The following ASB18 variants were observed in gnomAD, a reference collection of about 807,000 sequenced individuals.
The protein encoded by ASB18 is ankyrin repeat and SOCS box protein 18.
A neutral mutation model predicts 33.4 loss-of-function variants in ASB18; 33 were observed. The observed-to-expected ratio is 0.99, with a 90% CI of 0.75 to 1.32. The LOEUF is 1.32. ASB18 is among the 40% of genes most tolerant of loss of function. ASB18 has a pLI of 0.00. For synonymous variants in ASB18, 295 were observed against 307.6 expected, an observed-to-expected ratio of 0.96 and a Z score of 0.43; for missense variants, 694 against 655.5, an observed-to-expected ratio of 1.06 and a Z score of -0.64.
At position 236,203,235 on chromosome 2, in the gene ASB18, T is replaced by C. The variant is rs968711941; in HGVS notation, c.1102-6850A>G. Among the ~76,000 whole-genome samples, 3 of 152,032 alleles carry C rather than the reference T, an allele frequency of 2.0e-5. No individual in the cohort carries two copies. Among genetic ancestry groups the C allele is most frequent in the African/African-American group, 7.3e-5 (3 of 41,378 alleles). On this transcript the variant is annotated intron_variant, in intron 4 of 5. Transcript: ENST00000409749. This position sits in a 1 kb window ranked among gnomAD's most constrained non-coding sequence, Gnocchi z 6.0. The stretch of plus-strand genomic sequence containing the variant: ...ACAACAATACAGTGCTGTGGTCATA[T>C]GAGGGGGAGTTCAGGGGAAGATTTC...
At chr2:236,212,888 C>A (rs1465872168) in intron 4 of ASB18, among the ~76,000 whole-genome samples, 1 of 152,170 alleles carries the variant, frequency 6.6e-6, no homozygotes, top group Non-Finnish European at 1.5e-5. Context: ...CCTCAGCCTC[C>A]CAAAGTGCTG....
At chr2:236,210,061 C>T (rs1350116907) in intron 4 of ASB18, among the ~76,000 whole-genome samples, 4 of 152,184 alleles carry the variant, frequency 2.6e-5, no homozygotes, top group Non-Finnish European at 5.9e-5. Flanking sequence ...AAGTGAGCCT[C>T]GGCTTTGCAG....
rs1280628708 is a variant in ASB18, at chr2:236,244,962, G to A, written c.206-3560C>T. ...AAACCCACCTCTCTTCTACAGAGGA[G>A]GGCTGCAGTGGTGCTGGGTGGGGAG... is the stretch of plus-strand genomic sequence containing the variant. On this transcript the variant is annotated intron_variant, in intron 1 of 5. Coordinates refer to ENST00000409749, the MANE Select transcript of ASB18 (RefSeq NM_212556.4). The surrounding 1 kb of genome is among the most constrained non-coding windows in gnomAD (Gnocchi z 6.1). Among the ~76,000 whole-genome samples, 1 of 152,188 alleles carries A rather than the reference G, an allele frequency of 6.6e-6. No individual in the cohort carries two copies. The highest frequency in any genetic ancestry group is 1.5e-5 in the Non-Finnish European group (1 of 68,032).
At chr2:236,230,627 C>G (rs2060559782) in intron 3 of ASB18, among the ~76,000 whole-genome samples, 2 of 151,248 alleles carry the variant, frequency 1.3e-5, no homozygotes, top group South Asian at 4.2e-4. Flanking sequence ...AGTTTTTATA[C>G]TACACATGAA....
Position 236,209,536 on chromosome 2 carries a change from T to C in ASB18, c.1101+4826A>G, listed in dbSNP as rs1010597224. On this transcript the variant is annotated intron_variant, in intron 4 of 5. Coordinates refer to ENST00000409749, the MANE Select transcript of ASB18 (RefSeq NM_212556.4). This position sits in a 1 kb window ranked among gnomAD's most constrained non-coding sequence, Gnocchi z 4.4. Reference sequence around the variant, plus strand: ...CCTTGTGCCTCCCAGAGTGCTAGGATTATAGGCGTGAGCTATTGCCTCTGG... The same window carrying C: ...CCTTGTGCCTCCCAGAGTGCTAGGACTATAGGCGTGAGCTATTGCCTCTGG... Among the ~76,000 whole-genome samples, 5 of 152,164 alleles carry C rather than the reference T, an allele frequency of 3.3e-5. No individual in the cohort carries two copies. Among genetic ancestry groups the C allele is most frequent in the Non-Finnish European group, 5.9e-5 (4 of 68,022 alleles).
chr2:236,202,577 T>C (rs1321187245), intron 4 of ASB18, among the ~76,000 whole-genome samples: 2 of 151,626 alleles, frequency 1.3e-5, no homozygotes, highest in East Asian at 3.9e-4. Flanking sequence ...TCCCAACACT[T>C]TGGGAGGCTG....
chr2:236,246,032 C>A (rs190019265), intron 1 of ASB18, among the ~76,000 whole-genome samples: 4 of 152,156 alleles, frequency 2.6e-5, no homozygotes, highest in Non-Finnish European at 4.4e-5. Flanking sequence ...CACCTTCCCC[C>A]ACATGTAGAG....
At position 236,217,134 on chromosome 2, in the gene ASB18, G is replaced by A. The variant is rs914157587; in HGVS notation, c.597-2268C>T. On this transcript the variant is annotated intron_variant, in intron 3 of 5. Transcript: ENST00000409749. This position sits in a 1 kb window ranked among gnomAD's most constrained non-coding sequence, Gnocchi z 5.2. ...ATTTCAAATATTTGTTGGGCCAGGCGCGGTGGCTCATGCCGGTAATCCCAG... is the reference window on the plus strand; with the variant it reads ...ATTTCAAATATTTGTTGGGCCAGGCACGGTGGCTCATGCCGGTAATCCCAG... Among the ~76,000 whole-genome samples the A allele has an allele frequency of 2.0e-4, 30 of 152,240 alleles. No homozygotes were observed. The highest frequency in any genetic ancestry group is 4.1e-4 in the African/African-American group (17 of 41,562).
At position 236,257,102 on chromosome 2, in the gene ASB18, G is replaced by A. The variant is rs556438441; in HGVS notation, c.205+7039C>T. Among the ~76,000 whole-genome samples the A allele has an allele frequency of 6.6e-6, 1 of 152,306 alleles. No individual in the cohort carries two copies. Among genetic ancestry groups the A allele is most frequent in the East Asian group, 1.9e-4 (1 of 5,188 alleles). On this transcript the variant is annotated intron_variant, in intron 1 of 5. Transcript: ENST00000409749. This position sits in a 1 kb window ranked among gnomAD's most constrained non-coding sequence, Gnocchi z 5.5. ...ATCTGGGTGAATCAATTCAGGCAGC[G>A]CATAATTGAGTCTGTTAGCAAGGAC...
chr2:236,203,888 C>CA lies in ASB18; in HGVS notation c.1102-7504dup, dbSNP rs1274068215. 1.9e-5 allele frequency among the ~76,000 whole-genome samples: 2 copies of CA among 104,314 alleles called. No individual in the cohort carries two copies. The highest frequency in any genetic ancestry group is 8.8e-5 in the Admixed American group (1 of 11,404). 68.4% of individuals were successfully genotyped at this position (104,314 alleles called of 152,430 possible). On this transcript the variant is annotated intron_variant, in intron 4 of 5. Transcript: ENST00000409749. The surrounding 1 kb of genome is among the most constrained non-coding windows in gnomAD (Gnocchi z 6.0). Reference sequence around the variant, plus strand: ...TCTCAAAAACCAAACCAAACCAAACCAACCAACCAACCAACCAACCAACCA... The same window carrying CA: ...TCTCAAAAACCAAACCAAACCAAACCAAACCAACCAACCAACCAACCAACCA...
Position 236,216,114 on chromosome 2 carries a change from C to T in ASB18, c.597-1248G>A, listed in dbSNP as rs1022262286. On this transcript the variant is annotated intron_variant, in intron 3 of 5. Coordinates refer to ENST00000409749, the MANE Select transcript of ASB18 (RefSeq NM_212556.4). The surrounding 1 kb of genome is among the most constrained non-coding windows in gnomAD (Gnocchi z 6.1). The stretch of plus-strand genomic sequence containing the variant: ...AATCTTCAAGCCGGAGTCCATTCTT[C>T]ACCCCCCTCCTTTTCTCTGCGGGTC... Among the ~76,000 whole-genome samples the T allele has an allele frequency of 1.3e-5, 2 of 152,328 alleles. No homozygotes were observed. Among genetic ancestry groups the T allele is most frequent in the South Asian group, 2.1e-4 (1 of 4,818 alleles).
rs1286392505 is a variant in ASB18, at chr2:236,237,099, C to CA, written c.596+589dup. 1.3e-5 allele frequency among the ~76,000 whole-genome samples: 2 copies of CA among 152,088 alleles called. No individual in the cohort carries two copies. Among genetic ancestry groups the CA allele is most frequent in the African/African-American group, 4.8e-5 (2 of 41,446 alleles). ...GCCGCTGGGCCTCCCTAGAGGCCGG[C>CA]ACAGCTCCGCTTCCGAGCGGGCCTG... On this transcript the variant is annotated intron_variant, in intron 3 of 5. Transcript: ENST00000409749. This position sits in a 1 kb window ranked among gnomAD's most constrained non-coding sequence, Gnocchi z 6.2.
rs1344548283 is a variant in ASB18, at chr2:236,222,154, C to T, written c.597-7288G>A. Among the ~76,000 whole-genome samples, 3 of 152,202 alleles carry T rather than the reference C, an allele frequency of 2.0e-5. No individual in the cohort carries two copies. Among genetic ancestry groups the T allele is most frequent in the Non-Finnish European group, 2.9e-5 (2 of 68,034 alleles). On this transcript the variant is annotated intron_variant, in intron 3 of 5. Coordinates refer to ENST00000409749, the MANE Select transcript of ASB18 (RefSeq NM_212556.4). This position sits in a 1 kb window ranked among gnomAD's most constrained non-coding sequence, Gnocchi z 5.5. ...GGAGGAGCGGTTCCACTTTATTTCC[C>T]TGGACCTTCTGCTGAGGCTTTCCTT...
rs528260651 is a variant in ASB18, at chr2:236,238,326, T to G, written c.329-370A>C. On this transcript the variant is annotated intron_variant, in intron 2 of 5. Transcript: ENST00000409749. The surrounding 1 kb of genome is among the most constrained non-coding windows in gnomAD (Gnocchi z 5.2). ...ACGGTAGGCGAATTTAAGTGAGGAA[T>G]TCACGTGTTCCAGGCCCTGAGTTAG... Among the ~76,000 whole-genome samples the G allele has an allele frequency of 3.9e-5, 6 of 152,182 alleles. 1 individual carries two copies. In the South Asian group the frequency reaches 1.0e-3, roughly 26 times the overall value.
rs2060580115 is a variant in ASB18, at chr2:236,234,537, C to A, written c.596+3152G>T. ...CTTTATATAATAGAGTGGCTCCTCA[C>A]GTCTTCACCAGGTGAACCAGTCAGA... On this transcript the variant is annotated intron_variant, in intron 3 of 5. Transcript: ENST00000409749. The surrounding 1 kb of genome is among the most constrained non-coding windows in gnomAD (Gnocchi z 4.1). 6.6e-6 allele frequency among the ~76,000 whole-genome samples: 1 copy of A among 152,186 alleles called. No individual in the cohort carries two copies. Among genetic ancestry groups the A allele is most frequent in the East Asian group, 1.9e-4 (1 of 5,192 alleles).
In ASB18 at chr2:236,194,816, G is replaced by T; in HGVS notation, c.*56C>A. 6.8e-7 allele frequency: 1 copy of T among 1,469,300 alleles called. No individual in the cohort carries two copies. Among genetic ancestry groups the T allele is most frequent in the Non-Finnish European group, 9.3e-7 (1 of 1,075,000 alleles). 91.0% of individuals were successfully genotyped at this position (1,469,300 alleles called of 1,614,324 possible). On this transcript the variant is annotated 3_prime_UTR_variant, in exon 6 of 6. Transcript: ENST00000409749. This position sits in a 1 kb window ranked among gnomAD's most constrained non-coding sequence, Gnocchi z 4.5. ...GCATCAGGGCACTCTCCAACACACG[G>T]CCTCCATGGAAGGTCAGCGAGGAGA... is the stretch of plus-strand genomic sequence containing the variant.
In ASB18 at chr2:236,220,327, C is replaced by T. The variant is rs1209241908; in HGVS notation, c.597-5461G>A. 6.6e-6 allele frequency among the ~76,000 whole-genome samples: 1 copy of T among 152,168 alleles called. No homozygotes were observed. The highest frequency in any genetic ancestry group is 1.9e-4 in the East Asian group (1 of 5,180). The stretch of plus-strand genomic sequence containing the variant: ...CACTGTTTCCTCCTTCCTTTACCCA[C>T]CTGTCTCACCCACCTGCTCCCACCT... On this transcript the variant is annotated intron_variant, in intron 3 of 5. Transcript: ENST00000409749. The surrounding 1 kb of genome is among the most constrained non-coding windows in gnomAD (Gnocchi z 5.1).
chr2:236,203,884 A>AAACC lies in ASB18; in HGVS notation c.1102-7503_1102-7500dup, dbSNP rs558164843. Among the ~76,000 whole-genome samples the AAACC allele has an allele frequency of 0.018, 2,216 of 120,806 alleles. 18 individuals carry two copies. The highest frequency in any genetic ancestry group is 0.036 in the African/African-American group (1,190 of 32,812). The allele number at this position is 120,806 out of a possible 152,430, so 79.3% of individuals were successfully genotyped here. Reference sequence around the variant, plus strand: ...CCCCTCTCAAAAACCAAACCAAACCAAACCAACCAACCAACCAACCAACCA... The same window carrying AAACC: ...CCCCTCTCAAAAACCAAACCAAACCAAACCAACCAACCAACCAACCAACCAACCA... On this transcript the variant is annotated intron_variant, in intron 4 of 5. Transcript: ENST00000409749. This position sits in a 1 kb window ranked among gnomAD's most constrained non-coding sequence, Gnocchi z 6.0.
In ASB18 at chr2:236,214,305, G is replaced by A. The variant is rs1576398202; in HGVS notation, c.1101+57C>T. 1.3e-6 allele frequency: 2 copies of A among 1,523,426 alleles called. No homozygotes were observed. Among genetic ancestry groups the A allele is most frequent in the Non-Finnish European group, 1.8e-6 (2 of 1,136,536 alleles). The allele number at this position is 1,523,426 out of a possible 1,614,324, so 94.4% of individuals were successfully genotyped here. ...CCGCATGCAACCCAGCTCCCAGGCCGGTCACTAAGTGGCAAAACTCCAGGG... is the reference window on the plus strand; with the variant it reads ...CCGCATGCAACCCAGCTCCCAGGCCAGTCACTAAGTGGCAAAACTCCAGGG... On this transcript the variant is annotated intron_variant, in intron 4 of 5. Transcript: ENST00000409749. The surrounding 1 kb of genome is among the most constrained non-coding windows in gnomAD (Gnocchi z 6.5).
Sources: allele counts gnomAD v4.1 joint callset (sites outside exome capture counted in the v4.1 genomes callset), GRCh38; gene constraint gnomAD v4.1.1; non-coding constraint Gnocchi (gnomAD v3.1); transcripts MANE v1.5; gene names NCBI Gene and HGNC (gene_info 2026-07-23, HGNC 2026-07-21).